Variants in RHOU observed in about 807,000 individuals in gnomAD.
The protein encoded by RHOU is rho-related GTP-binding protein RhoU.
Under a neutral mutation model 12.6 loss-of-function variants are expected in RHOU, and 8 were observed. The ratio of observed to expected loss-of-function variants is 0.64; its 90% confidence interval spans 0.37 to 1.15. The LOEUF is 1.15. Among genes scored for constraint, RHOU ranks in the 50% most tolerant of loss-of-function variants. The probability of loss-of-function intolerance (pLI) is 0.01; values close to 1 mark genes in which losing one functional copy is unlikely to be tolerated. For synonymous variants in RHOU, 161 were observed against 147.4 expected (o/e 1.09, Z -0.67); for missense variants, 258 against 347.0 (o/e 0.74, Z 2.04).
At chr1:228,716,855 C>A in the RHOU span, among the ~76,000 whole-genome samples, 2 of 152,110 alleles carry the variant, frequency 1.3e-5, no homozygotes, top group African/African-American at 4.8e-5. Flanking sequence ...CTCACCCAGG[C>A]ACAGTCTGAA....
chr1:228,690,183 G>A, the RHOU span, among the ~76,000 whole-genome samples: 1 of 148,170 alleles, frequency 6.7e-6, no homozygotes, highest in East Asian at 1.9e-4. Flanking sequence ...TTGTTTGTTT[G>A]TTTTTGTTTT....
chr1:228,689,777 T>C, the RHOU span, among the ~76,000 whole-genome samples: 1 of 151,898 alleles, frequency 6.6e-6, no homozygotes, highest in African/African-American at 2.4e-5. Context: ...TGATCTGAGA[T>C]GGAACAGTTT....
At chr1:228,696,543 G>C in the RHOU span, among the ~76,000 whole-genome samples, 1 of 151,810 alleles carries the variant, frequency 6.6e-6, no homozygotes, top group Non-Finnish European at 1.5e-5. Flanking sequence ...AGTGCTTTTA[G>C]ATATCTTTCT....
rs1052278786 is a variant in RHOU at position 228,737,486 on chromosome 1, C to A, written c.263-187C>A. ...CACGGTAATGGAGTGACTTGCCAGC[C>A]GTGGGTTTGTATACAAAAATGCCTC... On this transcript the variant is annotated intron_variant, in intron 1 of 2. Transcript: ENST00000366691. The surrounding 1 kb of genome is among the most constrained non-coding windows in gnomAD (Gnocchi z 4.1). Among the ~76,000 whole-genome samples, 2 of 152,060 alleles carry A rather than the reference C, an allele frequency of 1.3e-5. No individual in the cohort carries two copies. Among genetic ancestry groups the A allele is most frequent in the Non-Finnish European group, 2.9e-5 (2 of 68,020 alleles).
chr1:228,648,647 C>G, the RHOU span, among the ~76,000 whole-genome samples: 1 of 152,056 alleles, frequency 6.6e-6, no homozygotes, highest in Non-Finnish European at 1.5e-5. Context: ...ATTCTGAACT[C>G]GGTTTTTCTT....
the RHOU span, among the ~76,000 whole-genome samples, chr1:228,692,455 T>G: frequency 3.3e-5 from 5 of 152,308 alleles, no homozygotes; most frequent in Non-Finnish European, 5.9e-5. Context: ...GCCTTGACAC[T>G]TGCCACATAC....
chr1:228,707,059 A>G, the RHOU span, among the ~76,000 whole-genome samples: 2 of 144,442 alleles, frequency 1.4e-5, no homozygotes, highest in Non-Finnish European at 3.0e-5. Context: ...ATGTTTTTCC[A>G]TTAAGCAAGA....
At chr1:228,677,497 T>TC in the RHOU span, among the ~76,000 whole-genome samples, 3 of 150,592 alleles carry the variant, frequency 2.0e-5, no homozygotes, top group African/African-American at 5.0e-5. Flanking sequence ...AAATATACAG[T>TC]CCCCCCCTTT....
the RHOU span, among the ~76,000 whole-genome samples, chr1:228,721,173 G>C: frequency 6.6e-6 from 1 of 152,274 alleles, no homozygotes; most frequent in South Asian, 2.1e-4. Context: ...GTGGTGGCAG[G>C]TGCCTGTAAT....
At chr1:228,707,255 AGTGTGTGTGT>A in the RHOU span, among the ~76,000 whole-genome samples, 32 of 40,688 alleles carry the variant, frequency 7.9e-4, no homozygotes, top group African/African-American at 3.0e-3. Flanking sequence ...ATATATATAT[AGTGTGTGTGT>A]GTGTGTGTGT....
At chr1:228,704,184 G>T in the RHOU span, among the ~76,000 whole-genome samples, 1 of 152,112 alleles carries the variant, frequency 6.6e-6, no homozygotes, top group Admixed American at 6.6e-5. Context: ...ACCTCAAGTT[G>T]TTCCGCCTTA....
the RHOU span, among the ~76,000 whole-genome samples, chr1:228,674,894 C>A: frequency 6.6e-6 from 1 of 151,958 alleles, no homozygotes; most frequent in African/African-American, 2.4e-5. Flanking sequence ...CCATGCCCGG[C>A]TAATTTTTTG....
upstream of RHOU, among the ~76,000 whole-genome samples, chr1:228,732,617 G>A (rs766972969): frequency 2.0e-5 from 3 of 152,032 alleles, no homozygotes; most frequent in African/African-American, 7.3e-5. Flanking sequence ...ATTAGTTCCC[G>A]GCATTTTAGA....
chr1:228,717,257 C>T, the RHOU span, among the ~76,000 whole-genome samples: 1 of 152,224 alleles, frequency 6.6e-6, no homozygotes, highest in Non-Finnish European at 1.5e-5. Context: ...CCTGGAACTG[C>T]TCTGTTTGCT....
chr1:228,707,595 G>T, the RHOU span, among the ~76,000 whole-genome samples: 1 of 151,952 alleles, frequency 6.6e-6, no homozygotes, highest in Non-Finnish European at 1.5e-5. Context: ...GCAGCTGAGG[G>T]TCTTGTCTGT....
At chr1:228,720,102 A>G in the RHOU span, among the ~76,000 whole-genome samples, 1 of 152,052 alleles carries the variant, frequency 6.6e-6, no homozygotes, top group Non-Finnish European at 1.5e-5. Context: ...CTAAAGCAGG[A>G]GGATCACTTG....
the RHOU span, among the ~76,000 whole-genome samples, chr1:228,702,871 CT>C: frequency 2.7e-4 from 41 of 152,270 alleles, no homozygotes; most frequent in African/African-American, 9.9e-4. Flanking sequence ...AATAGTTTTT[CT>C]TTTCCCCATT....
At chr1:228,651,227 G>T in the RHOU span, 1 of 210,888 alleles carries the variant, frequency 4.7e-6, no homozygotes, top group South Asian at 1.0e-4. Context: ...GGAGGCAGCA[G>T]GCTCTTCATT....
At chr1:228,725,459 T>C in the RHOU span, among the ~76,000 whole-genome samples, 1 of 151,888 alleles carries the variant, frequency 6.6e-6, no homozygotes, top group Admixed American at 6.6e-5. Context: ...GGACTAGTGA[T>C]GAGCAACCCT....
Sources: allele counts gnomAD v4.1 joint callset (sites outside exome capture counted in the v4.1 genomes callset), GRCh38; gene constraint gnomAD v4.1.1; non-coding constraint Gnocchi (gnomAD v3.1); transcripts MANE v1.5; gene names NCBI Gene and HGNC (gene_info 2026-07-23, HGNC 2026-07-21).